The following CDYL2 variants were observed in gnomAD, a reference collection of about 807,000 sequenced individuals.
The protein encoded by CDYL2 is chromodomain Y like 2, also known as chromodomain Y-like protein 2.
A neutral mutation model predicts 49.4 loss-of-function variants in CDYL2; 23 were observed. The observed-to-expected ratio is 0.47, with a 90% CI of 0.34 to 0.66. The LOEUF is 0.66. CDYL2 is among the 30% of genes least tolerant of loss of function. The pLI, the probability that CDYL2 is intolerant of heterozygous loss-of-function variation, is 0.01. For synonymous variants in CDYL2, 360 were observed against 268.8 expected (o/e 1.34, Z -3.32); for missense variants, 678 against 656.4 (o/e 1.03, Z -0.36).
At chr16:80,791,528 C>G (rs947370510) in intron 1 of CDYL2, among the ~76,000 whole-genome samples, 4 of 151,998 alleles carry the variant, frequency 2.6e-5, no homozygotes, top group African/African-American at 9.7e-5. Context: ...CCACAGGAGC[C>G]CAAAGAAAGG....
At chr16:80,672,352 C>CACACAGAG (rs68130206) in intron 2 of CDYL2, among the ~76,000 whole-genome samples, 36 of 117,768 alleles carry the variant, frequency 3.1e-4, no homozygotes, top group East Asian at 1.2e-3. Flanking sequence ...CACACACACA[C>CACACAGAG]AGAGAGAGAG....
chr16:80,604,593 G>A (rs368065292), intron 6 of CDYL2, 47 bp from the exon 7 acceptor site: 165 of 1,604,404 alleles, frequency 1.0e-4, no homozygotes, highest in Non-Finnish European at 1.4e-4. Flanking sequence ...CAGGGACTCT[G>A]CTCCAGAACT....
At chr16:80,672,163 T>A (rs1909538224) in intron 2 of CDYL2, among the ~76,000 whole-genome samples, 1 of 152,194 alleles carries the variant, frequency 6.6e-6, no homozygotes, top group African/African-American at 2.4e-5. Context: ...GATTTTGGAC[T>A]TGGGGACATT....
chr16:80,721,578 G>C (rs190092453), intron 1 of CDYL2, among the ~76,000 whole-genome samples: 1 of 152,304 alleles, frequency 6.6e-6, no homozygotes, highest in African/African-American at 2.4e-5. Context: ...CCAAGCTGCT[G>C]GTGACCACTT....
At chr16:80,662,685 C>A in intron 2 of CDYL2, 2 of 453,672 alleles carry the variant, frequency 4.4e-6, no homozygotes, top group Non-Finnish European at 8.8e-6. Flanking sequence ...AGGTGGAATC[C>A]ACATATGGCT....
At chr16:80,691,309 C>T (rs1171560790) in intron 1 of CDYL2, among the ~76,000 whole-genome samples, 1 of 152,200 alleles carries the variant, frequency 6.6e-6, no homozygotes, top group African/African-American at 2.4e-5. Flanking sequence ...AGGGCAAGTT[C>T]TGGGAACAAC....
At chr16:80,680,501 G>T (rs1299013371) in intron 2 of CDYL2, among the ~76,000 whole-genome samples, 2 of 152,168 alleles carry the variant, frequency 1.3e-5, no homozygotes, top group Admixed American at 6.5e-5. Flanking sequence ...GAACACTGAT[G>T]CTTTGGCCTG....
intron 2 of CDYL2, among the ~76,000 whole-genome samples, chr16:80,670,609 T>G (rs979588705): frequency 1.3e-5 from 2 of 152,144 alleles, no homozygotes; most frequent in Non-Finnish European, 2.9e-5. Context: ...AGTCCACCCA[T>G]CTGGCTTCTC....
At chr16:80,703,641 T>C (rs186171653) in intron 1 of CDYL2, among the ~76,000 whole-genome samples, 6 of 152,192 alleles carry the variant, frequency 3.9e-5, no homozygotes, top group African/African-American at 1.4e-4. Flanking sequence ...TTACCATGCA[T>C]CACACTCTGG....
intron 3 of CDYL2, among the ~76,000 whole-genome samples, chr16:80,627,028 T>C (rs935039598): frequency 1.3e-5 from 2 of 152,166 alleles, no homozygotes; most frequent in Admixed American, 6.5e-5. Context: ...TACTTTATAC[T>C]GTTGGATGAT....
chr16:80,675,560 T>G (rs1051699480), intron 2 of CDYL2, among the ~76,000 whole-genome samples: 2 of 152,086 alleles, frequency 1.3e-5, no homozygotes, highest in Non-Finnish European at 1.5e-5. Flanking sequence ...GTGTGAGGAG[T>G]CAGGGTGGAG....
At chr16:80,619,630 C>G (rs899233036) in intron 4 of CDYL2, among the ~76,000 whole-genome samples, 2 of 152,168 alleles carry the variant, frequency 1.3e-5, no homozygotes, top group African/African-American at 4.8e-5. Flanking sequence ...TAGCTGGGAC[C>G]ACGCAAAGCG....
intron 1 of CDYL2, among the ~76,000 whole-genome samples, chr16:80,768,312 G>C (rs1041276979): frequency 1.3e-5 from 2 of 152,054 alleles, no homozygotes; most frequent in African/African-American, 4.8e-5. Context: ...CCTGAACTTG[G>C]TCCACTCATC....
intron 3 of CDYL2, among the ~76,000 whole-genome samples, chr16:80,629,301 G>A (rs1374474545): frequency 6.6e-6 from 1 of 152,246 alleles, no homozygotes; most frequent in Non-Finnish European, 1.5e-5. Flanking sequence ...AATTACAGCA[G>A]TCCAGACAAA....
chr16:80,733,072 C>T (rs1057151439), intron 1 of CDYL2, among the ~76,000 whole-genome samples: 5 of 152,066 alleles, frequency 3.3e-5, no homozygotes, highest in Non-Finnish European at 5.9e-5. Flanking sequence ...TAGCCTATAT[C>T]TACTGATAAC....
intron 1 of CDYL2, among the ~76,000 whole-genome samples, chr16:80,706,779 T>C (rs1904419790): frequency 6.6e-6 from 1 of 152,122 alleles, no homozygotes; most frequent in African/African-American, 2.4e-5. Flanking sequence ...TGCCTCCCAG[T>C]CTACAAGGCA....
chr16:80,614,909 C>A (rs867447076), intron 4 of CDYL2, among the ~76,000 whole-genome samples: 2 of 150,340 alleles, frequency 1.3e-5, no homozygotes, highest in Admixed American at 1.3e-4. Flanking sequence ...TGATTTATCT[C>A]TTCTCAATCA....
At chr16:80,607,412 T>G (rs1044407967) in intron 6 of CDYL2, among the ~76,000 whole-genome samples, 2 of 152,298 alleles carry the variant, frequency 1.3e-5, no homozygotes, top group South Asian at 4.1e-4. Flanking sequence ...AGCAGCTCCC[T>G]GTTTCTCAAG....
chr16:80,632,905 C>T lies in CDYL2; in HGVS notation c.834+114G>A, dbSNP rs966504293. The T allele has an allele frequency of 2.6e-5, 26 of 1,017,434 alleles. No individual in the cohort carries two copies. The African/African-American group carries it at 3.0e-4, about 12-fold the overall frequency. 63.0% of individuals were successfully genotyped at this position (1,017,434 alleles called of 1,614,324 possible). ...CGCGCTGCAGTCAAGTTTTTATGCA[C>T]GCTAGTTACCATCCTCAGCTCCCTG... On this transcript the variant is annotated intron_variant, in intron 3 of 6. Transcript: ENST00000570137.
Sources: allele counts gnomAD v4.1 joint callset (sites outside exome capture counted in the v4.1 genomes callset), GRCh38; gene constraint gnomAD v4.1.1; transcripts MANE v1.5; gene names NCBI Gene and HGNC (gene_info 2026-07-23, HGNC 2026-07-21).